Variants in ZNF609 observed in about 807,000 individuals in gnomAD.
ZNF609 encodes the protein zinc finger protein 609.
A neutral mutation model predicts 109.5 loss-of-function variants in ZNF609; 11 were observed. That is an observed-to-expected ratio of 0.10 (90% confidence interval 0.06 to 0.17). The LOEUF (loss-of-function observed/expected upper bound fraction) is 0.17. Among genes scored for constraint, ZNF609 ranks in the 10% least tolerant of loss-of-function variants. The probability of loss-of-function intolerance (pLI) is 1.00; values close to 1 mark genes in which losing one functional copy is unlikely to be tolerated. For missense variants in ZNF609, 1,559 were observed against 1,772.4 expected (o/e 0.88, Z 2.16); for synonymous variants, 646 against 662.0 (o/e 0.98, Z 0.37).
Position 64,499,816 on chromosome 15 carries a change from G to A in ZNF609, c.397G>A (p.Gly133Ser). Reference sequence around the variant, plus strand: ...CTCAGGAGATGGTGCCAATGCTGGAGGCCTGGTTGCTGCTATTGCTCCCAA... The same window carrying A: ...CTCAGGAGATGGTGCCAATGCTGGAAGCCTGGTTGCTGCTATTGCTCCCAA... ...GRSGDGANAG[G>S]LVAAIAPKGS... The change falls in exon 2 of 10, where the codon GGC (glycine) becomes AGC (serine). Residue 133 changes from glycine (G) to serine (S), a missense_variant. Around this residue, in one of 4 missense-constraint regions of ZNF609, gnomAD observed 291 missense variants for 317.8 expected, o/e 0.92. Transcript: ENST00000326648. 6.2e-7 allele frequency: 1 copy of A among 1,614,140 alleles called. No individual in the cohort carries two copies. Among genetic ancestry groups the A allele is most frequent in the Non-Finnish European group, 8.5e-7 (1 of 1,180,030 alleles).
intron 2 of ZNF609, among the ~76,000 whole-genome samples, chr15:64,541,755 G>A (rs1186122137): frequency 2.7e-5 from 4 of 149,574 alleles, no homozygotes; most frequent in Non-Finnish European, 4.4e-5. Flanking sequence ...CAGGAGAATG[G>A]CGTGAACCCG....
chr15:64,516,120 C>T (rs942153873), intron 2 of ZNF609, among the ~76,000 whole-genome samples: 2 of 152,038 alleles, frequency 1.3e-5, no homozygotes, highest in Admixed American at 1.3e-4. Flanking sequence ...ACCCCAATGA[C>T]TTTTTCATAT....
intron 1 of ZNF609, among the ~76,000 whole-genome samples, chr15:64,477,793 T>C (rs964510856): frequency 6.6e-6 from 1 of 152,098 alleles, no homozygotes; most frequent in Non-Finnish European, 1.5e-5. Context: ...CGCGCCCAGC[T>C]AATTGTTATG....
intron 1 of ZNF609, among the ~76,000 whole-genome samples, chr15:64,479,207 G>A (rs1893213735): frequency 6.6e-6 from 1 of 150,658 alleles, no homozygotes; most frequent in Admixed American, 6.6e-5. Flanking sequence ...TTATAACAAG[G>A]TCACATTTGG....
At chr15:64,680,156 C>G in intron 6 of ZNF609, 29 bp from the exon 7 acceptor site, 1 of 1,612,260 alleles carries the variant, frequency 6.2e-7, no homozygotes, top group African/African-American at 1.3e-5. Context: ...TCTCCCATCT[C>G]TTTGACTGTT....
chr15:64,625,903 AAAAAAAAAAAAAT>A (rs1318714546), intron 3 of ZNF609, among the ~76,000 whole-genome samples: 3 of 82,992 alleles, frequency 3.6e-5, no homozygotes, highest in African/African-American at 1.6e-4. Context: ...AAAAAAAAAA[AAAAAAAAAAAAAT>A]ATATATATAT....
intron 1 of ZNF609, among the ~76,000 whole-genome samples, chr15:64,467,177 T>G (rs554320558): frequency 2.0e-5 from 3 of 152,374 alleles, no homozygotes; most frequent in East Asian, 3.9e-4. Flanking sequence ...CTCTTGTCTC[T>G]GTGAGAAATT....
At chr15:64,572,429 C>T (rs759342355) in intron 2 of ZNF609, among the ~76,000 whole-genome samples, 1 of 151,782 alleles carries the variant, frequency 6.6e-6, no homozygotes, top group Non-Finnish European at 1.5e-5. Context: ...GGAGATTGAT[C>T]CCTGTTTTAT....
At chr15:64,680,453 C>A in intron 7 of ZNF609, 93 bp downstream of exon 7, 1 of 1,494,270 alleles carries the variant, frequency 6.7e-7, no homozygotes, top group Non-Finnish European at 9.1e-7. Context: ...AGGTCCTGAC[C>A]ACAGTGCAGC....
intron 1 of ZNF609, among the ~76,000 whole-genome samples, chr15:64,498,072 CAG>C (rs1406025295): frequency 1.3e-5 from 2 of 151,950 alleles, no homozygotes; most frequent in Non-Finnish European, 2.9e-5. Context: ...ATAGTGGAGA[CAG>C]AGTCTTACTC....
At chr15:64,639,506 G>T (rs193185523) in intron 3 of ZNF609, among the ~76,000 whole-genome samples, 95 of 152,224 alleles carry the variant, frequency 6.2e-4, no homozygotes, top group African/African-American at 2.2e-3. Flanking sequence ...TTGGCTTGTA[G>T]CTGCATCATC....
chr15:64,586,891 C>G (rs933920979), intron 2 of ZNF609, among the ~76,000 whole-genome samples: 3 of 152,214 alleles, frequency 2.0e-5, no homozygotes. Context: ...CCATATGTTT[C>G]ATACAGAGAG....
At chr15:64,669,389 T>C (rs1345138198) in intron 3 of ZNF609, among the ~76,000 whole-genome samples, 1 of 152,208 alleles carries the variant, frequency 6.6e-6, no homozygotes, top group Non-Finnish European at 1.5e-5. Context: ...ATCCAAAATA[T>C]TTGGGTACAT....
chr15:64,575,324 T>C (rs1304711376), intron 2 of ZNF609, among the ~76,000 whole-genome samples: 1 of 151,932 alleles, frequency 6.6e-6, no homozygotes, highest in Non-Finnish European at 1.5e-5. Flanking sequence ...CTCAGGAGGC[T>C]GAGGCAGGAA....
intron 2 of ZNF609, among the ~76,000 whole-genome samples, chr15:64,555,990 C>CA (rs1555418846): frequency 7.1e-6 from 1 of 140,134 alleles, no homozygotes; most frequent in East Asian, 2.1e-4. Context: ...CAATAACTAC[C>CA]TTTTTTTTTT....
intron 2 of ZNF609, among the ~76,000 whole-genome samples, chr15:64,607,343 A>G (rs1170529961): frequency 6.6e-6 from 1 of 152,098 alleles, no homozygotes; most frequent in Non-Finnish European, 1.5e-5. Context: ...TACCATATAT[A>G]TTCTATGTAA....
At chr15:64,634,330 T>C (rs1033621520) in intron 3 of ZNF609, among the ~76,000 whole-genome samples, 1 of 152,116 alleles carries the variant, frequency 6.6e-6, no homozygotes. Context: ...TAGCAGGAAG[T>C]TAGTCTGCCT....
At chr15:64,513,551 A>G (rs1893763320) in intron 2 of ZNF609, among the ~76,000 whole-genome samples, 1 of 152,200 alleles carries the variant, frequency 6.6e-6, no homozygotes, top group Non-Finnish European at 1.5e-5. Flanking sequence ...GAAGTTACCT[A>G]CAGAATTTCT....
chr15:64,575,253 C>T (rs1894930894), intron 2 of ZNF609, among the ~76,000 whole-genome samples: 1 of 152,018 alleles, frequency 6.6e-6, no homozygotes, highest in African/African-American at 2.4e-5. Flanking sequence ...GGAGAAACCC[C>T]GTCTCTACTA....
Sources: gnomAD v4.1 joint callset for allele counts (sites outside exome capture counted in the v4.1 genomes callset) on GRCh38, gnomAD v4.1.1 for gene constraint, gnomAD v4.1.1 regional missense constraint, MANE v1.5 for transcripts, NCBI Gene and HGNC (gene_info 2026-07-23, HGNC 2026-07-21) for gene names.